Variants in NEGR1 observed in about 807,000 individuals in gnomAD.
The protein encoded by NEGR1 is IgLON family member 4.
A neutral mutation model predicts 40.9 loss-of-function variants in NEGR1; 10 were observed. The ratio of observed to expected loss-of-function variants is 0.24; its 90% CI spans 0.15 to 0.42. NEGR1 has a LOEUF of 0.42. Among genes scored for constraint, NEGR1 ranks in the 10% least tolerant of loss-of-function variants. The pLI, the probability that NEGR1 is intolerant of heterozygous loss-of-function variation, is 1.00. For synonymous variants in NEGR1, 185 were observed against 166.8 expected (o/e 1.11, Z -0.84); for missense variants, 352 against 438.9 (o/e 0.80, Z 1.77).
rs1553157759 is a variant in NEGR1 at position 71,675,126 on chromosome 1, T to TACAC, written c.667+22878_667+22881dup. On this transcript the variant is annotated intron_variant, in intron 4 of 6. Coordinates refer to ENST00000357731, the MANE Select transcript of NEGR1 (RefSeq NM_173808.3). Reference sequence around the variant, plus strand: ...GCATGTTTATTCATATATATATATATACACACACACATATGAATTCTTAGA... The same window carrying TACAC: ...GCATGTTTATTCATATATATATATATACACACACACACACATATGAATTCTTAGA... Among the ~76,000 whole-genome samples the TACAC allele has an allele frequency of 1.7e-3, 136 of 77,752 alleles. 3 individuals carry two copies. Among genetic ancestry groups the TACAC allele is most frequent in the Non-Finnish European group, 2.6e-3 (97 of 36,860 alleles). 51.0% of individuals were successfully genotyped at this position (77,752 alleles called of 152,430 possible). A position where few individuals can be genotyped will look rare whatever the true frequency, so the allele number is the denominator to read the frequency against.
At chr1:72,044,122 C>A (rs1439285883) in intron 1 of NEGR1, among the ~76,000 whole-genome samples, 1 of 151,558 alleles carries the variant, frequency 6.6e-6, no homozygotes, top group Non-Finnish European at 1.5e-5. Context: ...ATATTTAATT[C>A]TTGGAGTTTC....
chr1:71,758,560 A>T (rs1655823304), intron 3 of NEGR1, among the ~76,000 whole-genome samples: 3 of 152,140 alleles, frequency 2.0e-5, no homozygotes, highest in Non-Finnish European at 4.4e-5. Context: ...AGTGATGATT[A>T]TTCCTAATTA....
intron 1 of NEGR1, among the ~76,000 whole-genome samples, chr1:72,152,775 T>C (rs1304326079): frequency 1.3e-5 from 2 of 151,966 alleles, no homozygotes; most frequent in African/African-American, 2.4e-5. Flanking sequence ...ATTTACACCA[T>C]GGAATACAAC....
intron 2 of NEGR1, among the ~76,000 whole-genome samples, chr1:71,783,018 T>C (rs1656771985): frequency 6.6e-6 from 1 of 152,076 alleles, no homozygotes; most frequent in Non-Finnish European, 1.5e-5. Context: ...TTTGGATCTT[T>C]GCAAATTTAA....
intron 2 of NEGR1, among the ~76,000 whole-genome samples, chr1:71,900,181 G>A (rs2101862332): frequency 6.6e-6 from 1 of 152,242 alleles, no homozygotes; most frequent in African/African-American, 2.4e-5. Flanking sequence ...ATAAATGCGA[G>A]GAGATTAAGA....
At chr1:72,195,825 T>C (rs997121822) in intron 1 of NEGR1, among the ~76,000 whole-genome samples, 1 of 152,046 alleles carries the variant, frequency 6.6e-6, no homozygotes, top group African/African-American at 2.4e-5. Context: ...AGGTGTTATA[T>C]ATAGTGTACT....
At chr1:71,769,369 C>A (rs1189785825) in intron 3 of NEGR1, among the ~76,000 whole-genome samples, 2 of 152,100 alleles carry the variant, frequency 1.3e-5, no homozygotes, top group Non-Finnish European at 1.5e-5. Context: ...CATAAAGAGG[C>A]CCCTTAATTT....
intron 1 of NEGR1, among the ~76,000 whole-genome samples, chr1:72,076,174 C>A (rs1012913875): frequency 6.6e-6 from 1 of 152,074 alleles, no homozygotes; most frequent in Admixed American, 6.6e-5. Flanking sequence ...CTCCCAAATT[C>A]ATATGTTGGA....
chr1:72,173,752 C>A (rs1241269334), intron 1 of NEGR1, among the ~76,000 whole-genome samples: 6 of 152,040 alleles, frequency 3.9e-5, no homozygotes, highest in Non-Finnish European at 7.4e-5. Flanking sequence ...ACAAGCCTGG[C>A]CAACATGGTG....
At chr1:72,211,345 C>CTT (rs1653600385) in intron 1 of NEGR1, among the ~76,000 whole-genome samples, 1 of 151,444 alleles carries the variant, frequency 6.6e-6, no homozygotes, top group Non-Finnish European at 1.5e-5. Context: ...TTTATAAAGG[C>CTT]TTTTTTCTAA....
chr1:71,592,200 C>A (rs766691777), intron 6 of NEGR1, among the ~76,000 whole-genome samples: 1 of 152,014 alleles, frequency 6.6e-6, no homozygotes, highest in African/African-American at 2.4e-5. Context: ...GCCTTTTACC[C>A]GATCCTTGTG....
intron 6 of NEGR1, among the ~76,000 whole-genome samples, chr1:71,522,983 T>C (rs1193157428): frequency 6.6e-6 from 1 of 151,960 alleles, no homozygotes; most frequent in Non-Finnish European, 1.5e-5. Context: ...CAATGGTCTT[T>C]TGAAAACCAC....
rs116021837 is a variant in NEGR1, at chr1:71,647,124, A to G, written c.668-35978T>C. Among the ~76,000 whole-genome samples, 624 of 151,908 alleles carry G rather than the reference A, an allele frequency of 4.1e-3. 6 individuals are homozygous for G. Among genetic ancestry groups the G allele is most frequent in the African/African-American group, 0.014 (595 of 41,504 alleles). On this transcript the variant is annotated intron_variant, in intron 4 of 6. Coordinates refer to ENST00000357731, the MANE Select transcript of NEGR1 (RefSeq NM_173808.3). ...CGAGAGAATTCTTTATATTGGCCCT[A>G]AAGTGTTCAGGGCTCTTTGGACTCA...
At position 72,035,363 on chromosome 1, in the gene NEGR1, G is replaced by C. The variant is rs74089563; in HGVS notation, c.177-100052C>G. Among the ~76,000 whole-genome samples the C allele has an allele frequency of 4.5e-3, 688 of 152,244 alleles. 2 individuals are homozygous for C. The highest frequency in any genetic ancestry group is 0.015 in the African/African-American group (635 of 41,546). ...TGACAAAGAACCAGGGCATATACCT[G>C]AGACAATGGAGCCGTTTCAACCGGA... On this transcript the variant is annotated intron_variant, in intron 1 of 6. Coordinates refer to ENST00000357731, the MANE Select transcript of NEGR1 (RefSeq NM_173808.3).
At chr1:71,566,479 TC>T (rs1379462454) in intron 6 of NEGR1, among the ~76,000 whole-genome samples, 1 of 152,186 alleles carries the variant, frequency 6.6e-6, no homozygotes, top group Non-Finnish European at 1.5e-5. Context: ...TCTGTGTGCA[TC>T]TTCTCATTTA....
chr1:71,615,900 C>T (rs1028458135), intron 4 of NEGR1, among the ~76,000 whole-genome samples: 5 of 152,128 alleles, frequency 3.3e-5, no homozygotes, highest in African/African-American at 1.2e-4. Flanking sequence ...TTGGCCAATG[C>T]ATAGAAAAGG....
chr1:72,017,669 C>G (rs1646723512), intron 1 of NEGR1, among the ~76,000 whole-genome samples: 1 of 150,834 alleles, frequency 6.6e-6, no homozygotes, highest in African/African-American at 2.4e-5. Flanking sequence ...TGTTACAATC[C>G]AATTATTTTT....
chr1:72,014,651 A>C (rs1036525074), intron 1 of NEGR1, among the ~76,000 whole-genome samples: 6 of 152,046 alleles, frequency 3.9e-5, no homozygotes, highest in Non-Finnish European at 7.4e-5. Context: ...TATTATATTC[A>C]TATACCAAGA....
chr1:71,727,912 G>T (rs894774028), intron 3 of NEGR1, among the ~76,000 whole-genome samples: 7 of 152,126 alleles, frequency 4.6e-5, no homozygotes, highest in African/African-American at 1.7e-4. Flanking sequence ...TTGTAAGTAT[G>T]AAAAGTTAGG....
Sources: allele counts gnomAD v4.1 joint callset (sites outside exome capture counted in the v4.1 genomes callset), GRCh38; gene constraint gnomAD v4.1.1; transcripts MANE v1.5; gene names NCBI Gene and HGNC (gene_info 2026-07-23, HGNC 2026-07-21).